The following CCT6B variants were observed in gnomAD, a reference collection of about 807,000 sequenced individuals.
CCT6B encodes probable T-complex protein 1 subunit zeta-2.
A neutral mutation model predicts 61.5 loss-of-function variants in CCT6B; 49 were observed. The ratio of observed to expected loss-of-function variants is 0.80; its 90% confidence interval spans 0.63 to 1.01. CCT6B has a LOEUF of 1.01. Among genes scored for constraint, CCT6B ranks in the 50% least tolerant of loss-of-function variants. The pLI, the probability that CCT6B is intolerant of heterozygous loss-of-function variation, is 0.00. For synonymous variants in CCT6B, 228 were observed against 214.5 expected, an observed-to-expected ratio of 1.06 and a Z score of -0.55; for missense variants, 666 against 634.7, an observed-to-expected ratio of 1.05 and a Z score of -0.53.
chr17:34,931,401 T>C (rs1191260356), intron 11 of CCT6B, among the ~76,000 whole-genome samples: 2 of 152,170 alleles, frequency 1.3e-5, no homozygotes, highest in African/African-American at 4.8e-5. Context: ...TTTCCTCTAG[T>C]GCCGCTAGCC....
At chr17:34,952,336 C>T (rs2090301411) in intron 4 of CCT6B, among the ~76,000 whole-genome samples, 1 of 152,158 alleles carries the variant, frequency 6.6e-6, no homozygotes, top group South Asian at 2.1e-4. Flanking sequence ...TAAATAAGAT[C>T]TAACAGCTAG....
In CCT6B at chr17:34,940,552, T is replaced by C. The variant is rs141918585; in HGVS notation, c.955A>G (p.Arg319Gly). 2.2e-5 allele frequency: 35 copies of C among 1,568,658 alleles called. No homozygotes were observed. The highest frequency in any genetic ancestry group is 2.6e-5 in the Non-Finnish European group (30 of 1,151,592). Residue 319 changes from arginine (R) to glycine (G), a missense_variant, in exon 8 of 14, where the codon AGA (arginine) becomes GGA (glycine). Coordinates refer to ENST00000314144, the MANE Select transcript of CCT6B (RefSeq NM_006584.4). ...CTGCAAGCTTACCTTTCCATATTTCTTCTTTTTGCTCTGCGAAGAGCTACT... is the reference window on the plus strand; with the variant it reads ...CTGCAAGCTTACCTTTCCATATTTCCTCTTTTTGCTCTGCGAAGAGCTACT... ...GIVALRRAKRRNMERLSLACG... is the reference protein window; with the variant it reads ...GIVALRRAKRGNMERLSLACG...
chr17:34,950,755 C>G (rs2090282036), intron 5 of CCT6B, among the ~76,000 whole-genome samples: 1 of 151,894 alleles, frequency 6.6e-6, no homozygotes, highest in African/African-American at 2.4e-5. Flanking sequence ...ATGGTGAAAC[C>G]CCGTCTCTAC....
In CCT6B at chr17:34,928,088, A is replaced by G. The variant is rs769684310; in HGVS notation, c.1553T>C (p.Val518Ala). Residue 518 changes from valine to alanine, a missense_variant, in exon 14 of 14, where the codon GTT becomes GCT. Val to Ala is a moderately conservative substitution (Grantham distance 64). Coordinates refer to ENST00000314144, the MANE Select transcript of CCT6B (RefSeq NM_006584.4). ...CATCCCAGCTCGCATAATTTCATCA[A>G]CCAGGAGAATGTTGGTGGCAATCAC... is the stretch of plus-strand genomic sequence containing the variant. ...CTVIATNILL[V>A]DEIMRAGMSS... 1.4e-5 allele frequency: 22 copies of G among 1,612,310 alleles called. No individual in the cohort carries two copies. The African/African-American group carries it at 2.8e-4, about 21-fold the overall frequency.
intron 5 of CCT6B, among the ~76,000 whole-genome samples, chr17:34,946,620 G>A (rs1033240017): frequency 2.0e-5 from 3 of 152,098 alleles, no homozygotes; most frequent in African/African-American, 7.2e-5. Context: ...GTTTATAGCA[G>A]CACTATTAAT....
chr17:34,939,756 A>T (rs1269139305), intron 8 of CCT6B, 43 bp from the exon 9 acceptor site: 1 of 1,121,928 alleles, frequency 8.9e-7, no homozygotes, highest in East Asian at 2.4e-5. Context: ...TATGGAGAAC[A>T]TTAATACTAA....
At chr17:34,931,880 T>C (rs2090040372) in intron 11 of CCT6B, among the ~76,000 whole-genome samples, 1 of 152,154 alleles carries the variant, frequency 6.6e-6, no homozygotes, top group Non-Finnish European at 1.5e-5. Flanking sequence ...GGTTGCCACA[T>C]GGAAAAATTC....
intron 4 of CCT6B, among the ~76,000 whole-genome samples, chr17:34,954,116 G>T (rs779348843): frequency 4.6e-5 from 7 of 151,932 alleles, no homozygotes; most frequent in Non-Finnish European, 1.0e-4. Flanking sequence ...AATAAAATAT[G>T]GACTGCTAGA....
intron 5 of CCT6B, among the ~76,000 whole-genome samples, chr17:34,951,125 G>C (rs959816749): frequency 6.6e-6 from 1 of 152,122 alleles, no homozygotes; most frequent in Non-Finnish European, 1.5e-5. Context: ...GCACTATACA[G>C]ACTGTGCGTA....
At chr17:34,948,520 G>A (rs887957187) in intron 5 of CCT6B, among the ~76,000 whole-genome samples, 1 of 151,954 alleles carries the variant, frequency 6.6e-6, no homozygotes, top group Non-Finnish European at 1.5e-5. Context: ...TTTGAGACCA[G>A]CCTGACCAAC....
At chr17:34,940,807 C>G (rs181412997) in intron 7 of CCT6B, among the ~76,000 whole-genome samples, 186 bp from the exon 8 acceptor site, 97 of 152,086 alleles carry the variant, frequency 6.4e-4, no homozygotes, top group African/African-American at 2.2e-3. Flanking sequence ...TTTATTAATT[C>G]ATTTAAATAA....
intron 4 of CCT6B, 80 bp downstream of exon 4, chr17:34,954,346 T>C: frequency 9.0e-7 from 1 of 1,114,212 alleles, no homozygotes; most frequent in Non-Finnish European, 1.3e-6. Context: ...CATGAAATAC[T>C]TGATTATCTT....
chr17:34,961,048 G>A (rs963805184), intron 1 of CCT6B, among the ~76,000 whole-genome samples: 1 of 152,140 alleles, frequency 6.6e-6, no homozygotes, highest in Admixed American at 6.5e-5. Flanking sequence ...TCGGGGAAGC[G>A]CCACAGCTTC....
At chr17:34,937,098 C>A (rs2090103033) in intron 10 of CCT6B, among the ~76,000 whole-genome samples, 1 of 152,010 alleles carries the variant, frequency 6.6e-6, no homozygotes. Flanking sequence ...GTCAAGTCTG[C>A]AGTGAGCCAT....
Position 34,939,404 on chromosome 17 carries a change from C to A in CCT6B, c.1066-74G>T. ...AAAATCAACAATTTATACTAGAATA[C>A]AATCTTCATTTGAATTTTTCTTATC... On this transcript the variant is annotated intron_variant, in intron 9 of 13. Coordinates refer to ENST00000314144, the MANE Select transcript of CCT6B (RefSeq NM_006584.4). The A allele has an allele frequency of 4.0e-6, 5 of 1,258,564 alleles. No homozygotes were observed. The South Asian group carries it at 5.5e-5, about 14-fold the overall frequency. The allele number at this position is 1,258,564 out of a possible 1,614,324, so 78.0% of individuals were successfully genotyped here.
At position 34,939,336 on chromosome 17, in the gene CCT6B, G is replaced by C; in HGVS notation, c.1066-6C>G. The C allele has an allele frequency of 6.2e-7, 1 of 1,604,632 alleles. No individual in the cohort carries two copies. Among genetic ancestry groups the C allele is most frequent in the Non-Finnish European group, 8.5e-7 (1 of 1,174,926 alleles). The stretch of plus-strand genomic sequence containing the variant: ...AAAGTGAACTTTTCTTCACCCTAAA[G>C]GGTGGCACAAAAATATATAACTTTA... On this transcript the variant is annotated splice_polypyrimidine_tract_variant and splice_region_variant and intron_variant, in intron 9 of 13. Transcript: ENST00000314144.
chr17:34,941,662 CA>C (rs1231857901), intron 7 of CCT6B, among the ~76,000 whole-genome samples: 1 of 152,140 alleles, frequency 6.6e-6, no homozygotes, highest in Non-Finnish European at 1.5e-5. Context: ...GTCATTCTTC[CA>C]GGTAAAAGTG....
chr17:34,961,328 G>C lies in CCT6B; in HGVS notation c.66C>G (p.Val22=), dbSNP rs774512614. The change falls in exon 1 of 14, where the codon GTC becomes GTG. Residue 22 remains valine, a synonymous_variant. Coordinates refer to ENST00000314144, the MANE Select transcript of CCT6B (RefSeq NM_006584.4). The stretch of plus-strand genomic sequence containing the variant: ...GCAGCCCTCGGGCGGCGCATATATT[G>C]ACAGCCAAAGCTGCCCGGGCCCGCG... ...EVARARAALA[V]NICAARGLQD... 1.9e-6 allele frequency: 3 copies of C among 1,612,868 alleles called. No individual in the cohort carries two copies. Among genetic ancestry groups the C allele is most frequent in the African/African-American group, 2.7e-5 (2 of 74,884 alleles).
intron 5 of CCT6B, 135 bp downstream of exon 5, chr17:34,951,815 C>A: frequency 2.2e-6 from 1 of 458,866 alleles, no homozygotes; most frequent in Non-Finnish European, 3.9e-6. Flanking sequence ...CTCTCATTCC[C>A]ATTACCTAGA....
Sources: allele counts gnomAD v4.1 joint callset (sites outside exome capture counted in the v4.1 genomes callset), GRCh38; gene constraint gnomAD v4.1.1; transcripts MANE v1.5; gene names NCBI Gene and HGNC (gene_info 2026-07-23, HGNC 2026-07-21).